The following TMEM132B variants were observed in gnomAD, a reference collection of about 807,000 sequenced individuals.
TMEM132B encodes the protein transmembrane protein 132B.
Under a neutral mutation model 90.8 loss-of-function variants are expected in TMEM132B, and 18 were observed. The ratio of observed to expected loss-of-function variants is 0.20; its 90% CI spans 0.14 to 0.29. The LOEUF is 0.29. Among genes scored for constraint, TMEM132B ranks in the 10% least tolerant of loss-of-function variants. The probability of loss-of-function intolerance (pLI) is 1.00; values close to 1 mark genes in which losing one functional copy is unlikely to be tolerated. For synonymous variants in TMEM132B, 504 were observed against 523.3 expected (o/e 0.96, Z 0.50); for missense variants, 1,096 against 1,326.8 (o/e 0.83, Z 2.70).
intron 1 of TMEM132B, among the ~76,000 whole-genome samples, chr12:125,245,497 C>T (rs1874185848): frequency 6.6e-6 from 1 of 152,014 alleles, no homozygotes; most frequent in African/African-American, 2.4e-5. Context: ...AGCACATTGC[C>T]CTCTGACTCC....
At chr12:125,267,213 T>A (rs960813325) in intron 1 of TMEM132B, among the ~76,000 whole-genome samples, 3 of 152,138 alleles carry the variant, frequency 2.0e-5, no homozygotes, top group African/African-American at 7.2e-5. Flanking sequence ...GGGGTTTCCA[T>A]CTCTTTGCTC....
chr12:125,579,281 T>C (rs1884999762), intron 4 of TMEM132B, among the ~76,000 whole-genome samples: 1 of 152,186 alleles, frequency 6.6e-6, no homozygotes, highest in Non-Finnish European at 1.5e-5. Flanking sequence ...TTTTCAACTT[T>C]AGAATTTCTA....
chr12:125,654,773 G>T lies in TMEM132B; in HGVS notation c.*63G>T, dbSNP rs1054071399. 3 of 1,539,378 alleles carry T rather than the reference G, an allele frequency of 1.9e-6. No individual in the cohort carries two copies. The highest frequency in any genetic ancestry group is 2.8e-5 in the African/African-American group (2 of 72,538). ...TGTTTTTTGAATGCTGGAGCAGTGA[G>T]TTTGATCAGCAATAGGGGATGATTT... On this transcript the variant is annotated 3_prime_UTR_variant, in exon 9 of 9. Transcript: ENST00000682704. This position sits in a 1 kb window ranked among gnomAD's most constrained non-coding sequence, Gnocchi z 5.8.
At position 125,264,721 on chromosome 12, in the gene TMEM132B, CAATTTAAAGTGGCCT is replaced by C. The variant is rs143691996; in HGVS notation, c.67+77861_67+77875del. Among the ~76,000 whole-genome samples, 748 of 152,342 alleles carry C rather than the reference CAATTTAAAGTGGCCT, an allele frequency of 4.9e-3. 4 individuals are homozygous for C. The highest frequency in any genetic ancestry group is 8.2e-3 in the Non-Finnish European group (559 of 68,036). ...AAATGACACACCTTGTTCTCAAACA[CAATTTAAAGTGGCCT>C]AATTTGTTTTCTGGTCTGCTTCTCC... On this transcript the variant is annotated intron_variant, in intron 1 of 8. Transcript: ENST00000682704.
At chr12:125,210,278 G>C (rs2136065059) in intron 1 of TMEM132B, among the ~76,000 whole-genome samples, 1 of 152,244 alleles carries the variant, frequency 6.6e-6, no homozygotes, top group South Asian at 2.1e-4. Flanking sequence ...AAATTGCAGG[G>C]CTATCTGCGG....
At chr12:125,212,276 T>G (rs779360398) in intron 1 of TMEM132B, among the ~76,000 whole-genome samples, 8 of 152,204 alleles carry the variant, frequency 5.3e-5, no homozygotes, top group Non-Finnish European at 1.2e-4. Flanking sequence ...CTAGACCTAC[T>G]GAACCTCTAG....
Position 125,328,820 on chromosome 12 carries a change from C to T in TMEM132B, c.68-20632C>T, listed in dbSNP as rs528570457. 5.6e-4 allele frequency among the ~76,000 whole-genome samples: 85 copies of T among 152,294 alleles called. 1 individual carries two copies. Among genetic ancestry groups the T allele is most frequent in the African/African-American group, 2.0e-3 (83 of 41,548 alleles). ...TCAAGACCGCACTGGGGCCTCTCCT[C>T]GGTACATGTGCCCTCATGACTCTCG... On this transcript the variant is annotated intron_variant, in intron 1 of 8. Transcript: ENST00000682704.
At chr12:125,412,562 G>A (rs1300029402) in intron 2 of TMEM132B, among the ~76,000 whole-genome samples, 2 of 152,190 alleles carry the variant, frequency 1.3e-5, no homozygotes, top group African/African-American at 4.8e-5. Context: ...AGCCGGTCGT[G>A]CGCTATCGGG....
chr12:125,604,364 CAT>C (rs1412691496), intron 5 of TMEM132B, among the ~76,000 whole-genome samples: 1 of 149,636 alleles, frequency 6.7e-6, no homozygotes, highest in Admixed American at 6.8e-5. Flanking sequence ...CCAAACACCA[CAT>C]GTTTTCACTC....
intron 1 of TMEM132B, among the ~76,000 whole-genome samples, chr12:125,291,878 C>T (rs531066207): frequency 1.3e-5 from 2 of 152,328 alleles, no homozygotes; most frequent in East Asian, 3.9e-4. Context: ...CCGTCTATCT[C>T]TAGAACCTTT....
chr12:125,435,568 A>G (rs984587493), intron 3 of TMEM132B, among the ~76,000 whole-genome samples: 3 of 152,262 alleles, frequency 2.0e-5, no homozygotes, highest in Admixed American at 6.5e-5. Context: ...AGGCACTAGT[A>G]TAGGTGCTGA....
At chr12:125,420,556 C>CT (rs34834845) in intron 3 of TMEM132B, among the ~76,000 whole-genome samples, 39,379 of 152,022 alleles carry the variant, frequency 0.26, 6,758 homozygotes, top group African/African-American at 0.48. Context: ...CCATTTTTTC[C>CT]CTGGGCTTCT....
At chr12:125,546,407 C>T (rs989026543) in intron 4 of TMEM132B, among the ~76,000 whole-genome samples, 1 of 152,192 alleles carries the variant, frequency 6.6e-6, no homozygotes, top group African/African-American at 2.4e-5. Context: ...TGATCTCCAT[C>T]TCCTCACCTA....
At chr12:125,533,551 G>A (rs906052891) in intron 4 of TMEM132B, among the ~76,000 whole-genome samples, 16 of 152,238 alleles carry the variant, frequency 1.1e-4, no homozygotes, top group Non-Finnish European at 2.1e-4. Context: ...CTTTGACAAG[G>A]GGTCGCGATG....
rs1308535288 is a variant in TMEM132B at position 125,661,626 on chromosome 12, G to A, written c.*6916G>A. Reference sequence around the variant, plus strand: ...ACTTCTAGCAAGGGCATTCAGTGTGGATTCCAAGAACAAAACCAATTGTCC... The same window carrying A: ...ACTTCTAGCAAGGGCATTCAGTGTGAATTCCAAGAACAAAACCAATTGTCC... On this transcript the variant is annotated 3_prime_UTR_variant, in exon 9 of 9. Coordinates refer to ENST00000682704, the MANE Select transcript of TMEM132B (RefSeq NM_001366854.1). 2 of 152,154 alleles carry A rather than the reference G, an allele frequency of 1.3e-5. No homozygotes were observed. Among genetic ancestry groups the A allele is most frequent in the African/African-American group, 4.8e-5 (2 of 41,420 alleles). 9.4% of individuals were successfully genotyped at this position (152,154 alleles called of 1,614,324 possible). A position where few individuals can be genotyped will look rare whatever the true frequency, so the allele number is the denominator to read the frequency against.
intron 1 of TMEM132B, among the ~76,000 whole-genome samples, chr12:125,245,667 T>C (rs541119699): frequency 1.3e-5 from 2 of 152,242 alleles, no homozygotes; most frequent in East Asian, 3.9e-4. Context: ...CCCAGCCCCT[T>C]GCTCATACAG....
In TMEM132B at chr12:125,285,579, T is replaced by C. The variant is rs368131449; in HGVS notation, c.68-63873T>C. ...GATGTGGAGATTTCAAAGCACATGG[T>C]GAAATTTCTTTCCCAAAGTGAGTCA... is the stretch of plus-strand genomic sequence containing the variant. On this transcript the variant is annotated intron_variant, in intron 1 of 8. Transcript: ENST00000682704. Among the ~76,000 whole-genome samples the C allele has an allele frequency of 5.9e-5, 9 of 152,256 alleles. No homozygotes were observed. The South Asian group carries it at 1.9e-3, about 32-fold the overall frequency.
At chr12:125,597,963 A>C (rs1885481828) in intron 5 of TMEM132B, among the ~76,000 whole-genome samples, 1 of 152,166 alleles carries the variant, frequency 6.6e-6, no homozygotes, top group African/African-American at 2.4e-5. Context: ...GAGTTTAGTA[A>C]AGACTTAATG....
chr12:125,283,200 G>A (rs1875248947), intron 1 of TMEM132B, among the ~76,000 whole-genome samples: 1 of 152,128 alleles, frequency 6.6e-6, no homozygotes, highest in Non-Finnish European at 1.5e-5. Context: ...GTAAAATGCA[G>A]AGTCACCAAA....
Sources: gnomAD v4.1 joint callset for allele counts (sites outside exome capture counted in the v4.1 genomes callset) on GRCh38, gnomAD v4.1.1 for gene constraint, Gnocchi (gnomAD v3.1) non-coding constraint, MANE v1.5 for transcripts, NCBI Gene and HGNC (gene_info 2026-07-23, HGNC 2026-07-21) for gene names.